Variants in TDRP observed in about 807,000 individuals in gnomAD.
The protein encoded by TDRP is testis development related protein, also known as testis development-related protein.
Under a neutral mutation model 10.5 loss-of-function variants are expected in TDRP, and 12 were observed. The ratio of observed to expected loss-of-function variants is 1.15; its 90% CI spans 0.73 to 1.86. TDRP has a LOEUF of 1.86. Among genes scored for constraint, TDRP ranks in the 40% most tolerant of loss-of-function variants. The pLI is 0.00. For missense variants in TDRP, 353 were observed against 229.2 expected (o/e 1.54, Z -3.49); for synonymous variants, 139 against 95.4 (o/e 1.46, Z -2.67).
At chr8:533,023 T>G (rs954204990) in intron 1 of TDRP, among the ~76,000 whole-genome samples, 9 of 152,094 alleles carry the variant, frequency 5.9e-5, no homozygotes, top group African/African-American at 2.2e-4. Flanking sequence ...AGGAACTCAT[T>G]TGCCCCAAAG....
chr8:509,227 GA>G (rs1237825129), intron 1 of TDRP, among the ~76,000 whole-genome samples: 1 of 152,190 alleles, frequency 6.6e-6, no homozygotes, highest in Non-Finnish European at 1.5e-5. Context: ...TCTGGGATCT[GA>G]GGATGGTGGC....
At chr8:530,023 A>G (rs570132733) in intron 1 of TDRP, among the ~76,000 whole-genome samples, 131 of 152,024 alleles carry the variant, frequency 8.6e-4, no homozygotes, top group African/African-American at 2.9e-3. Flanking sequence ...GGTCCACTCA[A>G]TGGTGTGCCA....
At chr8:535,601 T>C (rs925254602) in intron 1 of TDRP, among the ~76,000 whole-genome samples, 2 of 152,110 alleles carry the variant, frequency 1.3e-5, no homozygotes, top group African/African-American at 4.8e-5. Flanking sequence ...GCCCCACATG[T>C]ACATCCACTC....
At chr8:536,222 T>C (rs550879431) in intron 1 of TDRP, among the ~76,000 whole-genome samples, 2 of 152,300 alleles carry the variant, frequency 1.3e-5, no homozygotes, top group Non-Finnish European at 2.9e-5. Context: ...ACACCTGGAA[T>C]TTACCTAGCT....
rs536513055 is a variant in TDRP, at chr8:509,797, C to A, written c.109-15200G>T. Among the ~76,000 whole-genome samples the A allele has an allele frequency of 2.0e-5, 3 of 152,290 alleles. No homozygotes were observed. The South Asian group carries it at 6.2e-4, about 32-fold the overall frequency. Reference sequence around the variant, plus strand: ...TCCCCCAAAAATAGCTTTTTCTTTTCTATTACTTTGTCAGGCTGCAAAGTT... The same window carrying A: ...TCCCCCAAAAATAGCTTTTTCTTTTATATTACTTTGTCAGGCTGCAAAGTT... On this transcript the variant is annotated intron_variant, in intron 1 of 2. Coordinates refer to ENST00000324079, the MANE Select transcript of TDRP (RefSeq NM_001384899.1).
At position 494,738 on chromosome 8, in the gene TDRP, CAT is replaced by C. The variant is rs1216142107; in HGVS notation, c.109-143_109-142del. On this transcript the variant is annotated intron_variant, in intron 1 of 2. Coordinates refer to ENST00000324079, the MANE Select transcript of TDRP (RefSeq NM_001384899.1). ...TCTTAGCTTTCCATACCTGTGCGCA[CAT>C]AGTTTACTCCCATTAGCTACTAGTC... 5 of 689,696 alleles carry C rather than the reference CAT, an allele frequency of 7.2e-6. No homozygotes were observed. In the Admixed American group the frequency reaches 1.0e-4, roughly 14 times the overall value. The allele number at this position is 689,696 out of a possible 1,614,324, so 42.7% of individuals were successfully genotyped here. A position where few individuals can be genotyped will look rare whatever the true frequency, so the allele number is the denominator to read the frequency against.
intron 1 of TDRP, among the ~76,000 whole-genome samples, chr8:524,651 A>T (rs1300313478): frequency 6.6e-6 from 1 of 152,168 alleles, no homozygotes; most frequent in East Asian, 1.9e-4. Context: ...TTTACAAGCT[A>T]AAAAATTAAA....
At chr8:497,088 A>C (rs531411188) in intron 1 of TDRP, among the ~76,000 whole-genome samples, 19 of 152,196 alleles carry the variant, frequency 1.2e-4, no homozygotes, top group Non-Finnish European at 2.8e-4. Context: ...GTACGAGAGG[A>C]GTGCGGTACT....
At position 503,703 on chromosome 8, in the gene TDRP, C is replaced by T. The variant is rs771604429; in HGVS notation, c.109-9106G>A. Among the ~76,000 whole-genome samples, 14 of 145,426 alleles carry T rather than the reference C, an allele frequency of 9.6e-5. 1 individual carries two copies. Among genetic ancestry groups the T allele is most frequent in the Non-Finnish European group, 1.6e-4 (11 of 66,790 alleles). ...CGGAATCCACGCCCACATCAGCACA[C>T]ACCAGCATGGAATCCAGAGCTACAC... On this transcript the variant is annotated intron_variant, in intron 1 of 2. Coordinates refer to ENST00000324079, the MANE Select transcript of TDRP (RefSeq NM_001384899.1).
chr8:514,973 A>T (rs1217057777), intron 1 of TDRP, among the ~76,000 whole-genome samples: 1 of 152,232 alleles, frequency 6.6e-6, no homozygotes, highest in Non-Finnish European at 1.5e-5. Flanking sequence ...GACAATCAGG[A>T]AAAGTCATAC....
Position 528,881 on chromosome 8 carries a change from T to C in TDRP, c.108+15769A>G, listed in dbSNP as rs557706251. The stretch of plus-strand genomic sequence containing the variant: ...TGTGTGTAAAGGGGAATTTATTAAG[T>C]AGTATTAACTCACACAATCACAAGG... On this transcript the variant is annotated intron_variant, in intron 1 of 2. Coordinates refer to ENST00000324079, the MANE Select transcript of TDRP (RefSeq NM_001384899.1). 2.0e-5 allele frequency among the ~76,000 whole-genome samples: 3 copies of C among 152,140 alleles called. No homozygotes were observed. In the South Asian group the frequency reaches 6.2e-4, roughly 32 times the overall value.
At chr8:545,713 A>T (rs1280011414), upstream of TDRP, 2 of 151,784 alleles carry the variant, frequency 1.3e-5, no homozygotes, top group Non-Finnish European at 2.9e-5. Context: ...CGCCGGGAGG[A>T]AGCCTCGCCC....
chr8:504,338 G>A (rs904623656), intron 1 of TDRP, among the ~76,000 whole-genome samples: 2 of 152,308 alleles, frequency 1.3e-5, no homozygotes, highest in South Asian at 4.1e-4. Flanking sequence ...CATGTTTTGG[G>A]TAGTGTTTTC....
At chr8:498,232 GC>G (rs1179795845) in intron 1 of TDRP, among the ~76,000 whole-genome samples, 2 of 152,146 alleles carry the variant, frequency 1.3e-5, no homozygotes, top group Non-Finnish European at 2.9e-5. Flanking sequence ...GGCACTCAAT[GC>G]CAGCCCATGA....
At chr8:512,286 G>C (rs1266761257) in intron 1 of TDRP, among the ~76,000 whole-genome samples, 1 of 150,736 alleles carries the variant, frequency 6.6e-6, no homozygotes, top group Admixed American at 6.6e-5. Context: ...AAAAAAAAAT[G>C]ACTGGGCATG....
intron 1 of TDRP, 41 bp downstream of exon 1, chr8:544,609 C>A: frequency 8.3e-7 from 1 of 1,204,998 alleles, no homozygotes; most frequent in Non-Finnish European, 1.0e-6. Flanking sequence ...CACCTGCGCG[C>A]CCCCGGCCTA....
intron 1 of TDRP, among the ~76,000 whole-genome samples, chr8:500,794 G>A (rs937571978): frequency 1.3e-5 from 2 of 152,186 alleles, no homozygotes; most frequent in Non-Finnish European, 2.9e-5. Context: ...AACCAGGGCA[G>A]GAAATAGCAC....
chr8:538,860 T>A (rs925279), intron 1 of TDRP, among the ~76,000 whole-genome samples: 118,870 of 152,158 alleles, frequency 0.78, 46,782 homozygotes, highest in African/African-American at 0.85. Flanking sequence ...CATGCGCATC[T>A]CACCACACTG....
chr8:496,482 T>C (rs1289165828), intron 1 of TDRP, among the ~76,000 whole-genome samples: 1 of 152,210 alleles, frequency 6.6e-6, no homozygotes, highest in African/African-American at 2.4e-5. Context: ...TGAAGCTTCG[T>C]GACCTTGGGG....
Sources: gnomAD v4.1 joint callset for allele counts (sites outside exome capture counted in the v4.1 genomes callset) on GRCh38, gnomAD v4.1.1 for gene constraint, MANE v1.5 for transcripts, NCBI Gene and HGNC (gene_info 2026-07-23, HGNC 2026-07-21) for gene names.